The following CADM1 variants were observed in gnomAD, a reference collection of about 807,000 sequenced individuals.
CADM1 encodes the protein TSLC-1.
In CADM1, 15 loss-of-function variants were observed where a neutral mutation model predicts 53.1. The observed-to-expected ratio is 0.28, with a 90% CI of 0.19 to 0.44. The LOEUF is 0.44. CADM1 is among the 20% of genes least tolerant of loss of function. The pLI is 1.00. For synonymous variants in CADM1, 281 were observed against 243.0 expected, an observed-to-expected ratio of 1.16 and a Z score of -1.45; for missense variants, 434 against 611.3, an observed-to-expected ratio of 0.71 and a Z score of 3.06.
chr11:115,392,673 C>T (rs1591773399), intron 1 of CADM1, among the ~76,000 whole-genome samples: 2 of 152,110 alleles, frequency 1.3e-5, no homozygotes, highest in Admixed American at 1.3e-4. Flanking sequence ...AACTAACATT[C>T]GCATTCCCAA....
rs188569748 is a variant in CADM1, at chr11:115,272,895, A to G, written c.125-32475T>C. On this transcript the variant is annotated intron_variant, in intron 1 of 11. Transcript: ENST00000331581. ...GCACATGTACCCTAAAACTTAAAGTATAATAAAAAAATTTAAAAAAAAAGC... is the reference window on the plus strand; with the variant it reads ...GCACATGTACCCTAAAACTTAAAGTGTAATAAAAAAATTTAAAAAAAAAGC... Among the ~76,000 whole-genome samples the G allele has an allele frequency of 1.2e-3, 177 of 152,212 alleles. 2 individuals carry two copies. Among genetic ancestry groups the G allele is most frequent in the African/African-American group, 4.0e-3 (168 of 41,526 alleles).
chr11:115,484,143 C>T (rs1296781316), intron 1 of CADM1, among the ~76,000 whole-genome samples: 2 of 152,168 alleles, frequency 1.3e-5, no homozygotes, highest in African/African-American at 4.8e-5. Flanking sequence ...GCCTGAGCTA[C>T]ACTCTCTCAA....
At chr11:115,463,626 T>C (rs971111073) in intron 1 of CADM1, among the ~76,000 whole-genome samples, 1 of 152,222 alleles carries the variant, frequency 6.6e-6, no homozygotes, top group Non-Finnish European at 1.5e-5. Flanking sequence ...GCCATTGGGT[T>C]CTCCTATGAA....
At chr11:115,201,094 G>A (rs746815823) in intron 8 of CADM1, among the ~76,000 whole-genome samples, 1 of 152,160 alleles carries the variant, frequency 6.6e-6, no homozygotes, top group Admixed American at 6.5e-5. Context: ...GAGGAAAGGG[G>A]GATGTTGAGA....
chr11:115,470,492 A>C (rs1295510043), intron 1 of CADM1, among the ~76,000 whole-genome samples: 1 of 152,238 alleles, frequency 6.6e-6, no homozygotes, highest in East Asian at 1.9e-4. Flanking sequence ...TGAATGGAAA[A>C]TTTTTAAGAA....
chr11:115,401,142 C>A (rs1195938318), intron 1 of CADM1, among the ~76,000 whole-genome samples: 1 of 152,030 alleles, frequency 6.6e-6, no homozygotes, highest in African/African-American at 2.4e-5. Context: ...TATACACAGA[C>A]AATAGAATAG....
intron 1 of CADM1, among the ~76,000 whole-genome samples, chr11:115,260,707 C>G (rs914455261): frequency 5.3e-5 from 8 of 151,940 alleles, no homozygotes; most frequent in African/African-American, 1.9e-4. Flanking sequence ...GGGTCTCGCT[C>G]TGTTGCCCAG....
chr11:115,474,290 C>CA (rs60168853), intron 1 of CADM1, among the ~76,000 whole-genome samples: 1,053 of 20,006 alleles, frequency 0.053, 94 homozygotes, highest in East Asian at 0.085. Flanking sequence ...GACTCCATCT[C>CA]AAAAAAAAAA....
At chr11:115,372,923 T>C (rs1946344096) in intron 1 of CADM1, among the ~76,000 whole-genome samples, 1 of 152,226 alleles carries the variant, frequency 6.6e-6, no homozygotes, top group Non-Finnish European at 1.5e-5. Context: ...CAAAGGCTTG[T>C]GAATTCAGGT....
intron 1 of CADM1, among the ~76,000 whole-genome samples, chr11:115,260,479 C>T (rs1942938517): frequency 6.6e-6 from 1 of 152,202 alleles, no homozygotes; most frequent in African/African-American, 2.4e-5. Flanking sequence ...TATCTTTGTG[C>T]CTGGTGGCCT....
chr11:115,438,425 A>C (rs1307508825), intron 1 of CADM1, among the ~76,000 whole-genome samples: 11 of 152,170 alleles, frequency 7.2e-5, no homozygotes, highest in Admixed American at 2.6e-4. Context: ...GGAAACTGAC[A>C]GGACAAGCAT....
At chr11:115,182,249 G>A (rs534170672) in intron 10 of CADM1, among the ~76,000 whole-genome samples, 5 of 152,262 alleles carry the variant, frequency 3.3e-5, no homozygotes, top group Admixed American at 3.3e-4. Context: ...AAATAAATGT[G>A]GGAGTGGAAA....
At chr11:115,231,988 A>T (rs1941832714) in intron 3 of CADM1, among the ~76,000 whole-genome samples, 1 of 122,428 alleles carries the variant, frequency 8.2e-6, no homozygotes, top group Non-Finnish European at 1.8e-5. Flanking sequence ...CTCCGTCTCA[A>T]TAATAATAAT....
chr11:115,174,104 C>A lies in CADM1; in HGVS notation c.*2370G>T. The A allele has an allele frequency of 1.0e-6, 1 of 985,050 alleles. No homozygotes were observed. The highest frequency in any genetic ancestry group is 1.2e-6 in the Non-Finnish European group (1 of 829,622). 61.0% of individuals were successfully genotyped at this position (985,050 alleles called of 1,614,324 possible). ...ATGTGTGGGGCCTACACTTTGCAAT[C>A]TACCTGAGACGGAAAACACCAATCG... On this transcript the variant is annotated 3_prime_UTR_variant, in exon 12 of 12. Transcript: ENST00000331581.
At chr11:115,398,745 T>C (rs1565406345) in intron 1 of CADM1, among the ~76,000 whole-genome samples, 5 of 152,162 alleles carry the variant, frequency 3.3e-5, no homozygotes, top group African/African-American at 9.7e-5. Flanking sequence ...TGAAACAATA[T>C]CTAAGCCACA....
chr11:115,376,802 G>A lies in CADM1; in HGVS notation c.124+127469C>T, dbSNP rs144432495. On this transcript the variant is annotated intron_variant, in intron 1 of 11. Transcript: ENST00000331581. The stretch of plus-strand genomic sequence containing the variant: ...TACAAAGAAATAGTGCCAGCCACCG[G>A]GGATTCTGTCAAGTAATTCCACAGG... Among the ~76,000 whole-genome samples the A allele has an allele frequency of 4.6e-5, 7 of 152,210 alleles. No homozygotes were observed. In the East Asian group the frequency reaches 1.4e-3, roughly 29 times the overall value.
At chr11:115,226,305 CA>C (rs1320625360) in intron 5 of CADM1, among the ~76,000 whole-genome samples, 1 of 152,078 alleles carries the variant, frequency 6.6e-6, no homozygotes, top group Admixed American at 6.6e-5. Context: ...ATGAACATGG[CA>C]AATTTGTGAA....
rs149448033 is a variant in CADM1 at position 115,295,662 on chromosome 11, G to A, written c.125-55242C>T. Among the ~76,000 whole-genome samples the A allele has an allele frequency of 7.4e-4, 111 of 150,530 alleles. 1 individual carries two copies. The highest frequency in any genetic ancestry group is 2.5e-3 in the African/African-American group (101 of 41,100). ...TCCTGCTTTCTACTGAAGAAAATCC[G>A]AAGTTCCTAACATAATATTCAAATC... On this transcript the variant is annotated intron_variant, in intron 1 of 11. Transcript: ENST00000331581.
chr11:115,499,618 A>G (rs758662798), intron 1 of CADM1, among the ~76,000 whole-genome samples: 23 of 152,270 alleles, frequency 1.5e-4, no homozygotes, highest in Non-Finnish European at 2.6e-4. Flanking sequence ...GGCGGAACAG[A>G]AGGTCCACTG....
Sources: gnomAD v4.1 joint callset for allele counts (sites outside exome capture counted in the v4.1 genomes callset) on GRCh38, gnomAD v4.1.1 for gene constraint, MANE v1.5 for transcripts, NCBI Gene and HGNC (gene_info 2026-07-23, HGNC 2026-07-21) for gene names.